The following CSMD2 variants were observed in gnomAD, a reference collection of about 807,000 sequenced individuals.
The protein encoded by CSMD2 is CUB and sushi domain-containing protein 2.
CSMD2 carries 130 observed loss-of-function variants against 398.5 expected under a neutral mutation model. The observed-to-expected ratio is 0.33, with a 90% CI of 0.28 to 0.38. The LOEUF is 0.38. CSMD2 is among the 10% of genes least tolerant of loss of function. The pLI, the probability that CSMD2 is intolerant of heterozygous loss-of-function variation, is 1.00. For missense variants in CSMD2, 3,829 were observed against 4,764.9 expected (o/e 0.80, Z 5.78); for synonymous variants, 1,828 against 1,908.5 (o/e 0.96, Z 1.10).
intron 24 of CSMD2, among the ~76,000 whole-genome samples, chr1:33,696,810 C>A (rs1334587282): frequency 1.3e-5 from 2 of 152,286 alleles, no homozygotes; most frequent in Middle Eastern, 3.4e-3. Flanking sequence ...TAAGTCTACT[C>A]TTTCTGGTCT....
intron 4 of CSMD2, among the ~76,000 whole-genome samples, chr1:33,933,418 T>C (rs546860982): frequency 1.6e-4 from 24 of 152,326 alleles, no homozygotes; most frequent in African/African-American, 5.8e-4. Flanking sequence ...CATCCAGTAA[T>C]TGGATTACAT....
At chr1:33,818,801 A>G (rs1181090194) in intron 9 of CSMD2, among the ~76,000 whole-genome samples, 1 of 152,212 alleles carries the variant, frequency 6.6e-6, no homozygotes, top group Non-Finnish European at 1.5e-5. Flanking sequence ...TTTCAGCTCC[A>G]ACTCTGCCCC....
chr1:33,959,568 T>A (rs1014449381), intron 3 of CSMD2, among the ~76,000 whole-genome samples: 2 of 151,648 alleles, frequency 1.3e-5, no homozygotes, highest in Non-Finnish European at 2.9e-5. Flanking sequence ...TCCCGGAAAA[T>A]CCTCTGTCAA....
Position 33,519,496 on chromosome 1 carries a change from TGGTGGCGGCCAGGCCG to T in CSMD2, c.*6_*21del. On this transcript the variant is annotated 3_prime_UTR_variant, in exon 70 of 71. Coordinates refer to ENST00000373381, the MANE Select transcript of CSMD2 (RefSeq NM_001281956.2). This position sits in a 1 kb window ranked among gnomAD's most constrained non-coding sequence, Gnocchi z 5.6. ...CTGGAGGCGGGGCTCTCGGTGGCGG[TGGTGGCGGCCAGGCCG>T]GGTGGCTATACTGCTGTGCACACTG... The T allele has an allele frequency of 2.7e-6, 4 of 1,506,766 alleles. No individual in the cohort carries two copies. Among genetic ancestry groups the T allele is most frequent in the Non-Finnish European group, 3.6e-6 (4 of 1,115,702 alleles). 93.3% of individuals were successfully genotyped at this position (1,506,766 alleles called of 1,614,324 possible).
intron 2 of CSMD2, among the ~76,000 whole-genome samples, chr1:34,052,424 AGGGACTTAAGCATCTGCAGATTTTTAT>A (rs1412609471): frequency 1.3e-5 from 2 of 149,340 alleles, no homozygotes; most frequent in Non-Finnish European, 3.0e-5. Context: ...ATTTTAAATA[AGGGACTTAAGCATCTGCAGATTTTTAT>A]ATCCATGGGG....
chr1:33,516,773 CA>C (rs1653803122), intron 70 of CSMD2, among the ~76,000 whole-genome samples: 1 of 152,186 alleles, frequency 6.6e-6, no homozygotes, highest in Non-Finnish European at 1.5e-5. Context: ...TGCAGCAGAA[CA>C]TGTATTTTTC....
At chr1:34,152,671 C>A (rs374672889) in intron 1 of CSMD2, among the ~76,000 whole-genome samples, 2 of 152,172 alleles carry the variant, frequency 1.3e-5, no homozygotes, top group African/African-American at 2.4e-5. Flanking sequence ...TTTCCTTGAT[C>A]CCTTGTGTCT....
intron 13 of CSMD2, among the ~76,000 whole-genome samples, chr1:33,767,054 G>A (rs1460398771): frequency 3.9e-5 from 6 of 152,214 alleles, no homozygotes; most frequent in Non-Finnish European, 8.8e-5. Context: ...ATAGGCTGAA[G>A]ATGCTCATTA....
rs1197924790 is a variant in CSMD2, at chr1:34,070,855, C to T, written c.404+18122G>A. Among the ~76,000 whole-genome samples the T allele has an allele frequency of 4.0e-5, 6 of 149,684 alleles. No homozygotes were observed. In the East Asian group the frequency reaches 8.5e-4, roughly 21 times the overall value. On this transcript the variant is annotated intron_variant, in intron 2 of 70. Coordinates refer to ENST00000373381, the MANE Select transcript of CSMD2 (RefSeq NM_001281956.2). ...CAGCTAAACTATCAGAGCCAAGATG[C>T]GTCCCCGTTCCTCTTTACTTTGTAG...
intron 2 of CSMD2, among the ~76,000 whole-genome samples, chr1:34,040,063 C>G (rs1651660598): frequency 6.6e-6 from 1 of 151,968 alleles, no homozygotes; most frequent in Non-Finnish European, 1.5e-5. Flanking sequence ...ACTCAGGGGG[C>G]TTAAGTGGTC....
At chr1:33,842,819 C>A (rs1660987910) in intron 6 of CSMD2, among the ~76,000 whole-genome samples, 1 of 152,110 alleles carries the variant, frequency 6.6e-6, no homozygotes, top group Non-Finnish European at 1.5e-5. Context: ...GATGGAGGGC[C>A]ATAGAAAGGC....
intron 1 of CSMD2, among the ~76,000 whole-genome samples, chr1:34,107,866 A>G (rs886606199): frequency 6.6e-6 from 1 of 152,208 alleles, no homozygotes; most frequent in African/African-American, 2.4e-5. Flanking sequence ...GAGCACATTG[A>G]ACTTCCCAGA....
At chr1:33,790,898 A>T (rs549874853) in intron 11 of CSMD2, among the ~76,000 whole-genome samples, 85 of 152,202 alleles carry the variant, frequency 5.6e-4, no homozygotes, top group Non-Finnish European at 1.0e-3. Context: ...GAGAACCCTC[A>T]CTAATACAGT....
chr1:33,991,910 A>G (rs1224586622), intron 3 of CSMD2, among the ~76,000 whole-genome samples: 1 of 152,198 alleles, frequency 6.6e-6, no homozygotes, highest in Non-Finnish European at 1.5e-5. Context: ...AAAAATGGGC[A>G]GGAGATATGA....
chr1:33,723,041 C>T (rs912397901), intron 19 of CSMD2, among the ~76,000 whole-genome samples: 1 of 152,166 alleles, frequency 6.6e-6, no homozygotes, highest in Admixed American at 6.5e-5. Flanking sequence ...CTTTCTCACA[C>T]GTACACAGGC....
At position 33,557,814 on chromosome 1, in the gene CSMD2, T is replaced by C. The variant is rs1326134442; in HGVS notation, c.8663A>G (p.His2888Arg). The change falls in exon 55 of 71, where the codon CAC (histidine) becomes CGC (arginine). Residue 2888 changes from histidine (H) to arginine (R), a missense_variant. His to Arg is a conservative substitution (Grantham distance 29, BLOSUM62 0). Coordinates refer to ENST00000373381, the MANE Select transcript of CSMD2 (RefSeq NM_001281956.2). ...FGTTVSYRCN[H>R]GFYLLGTPVL... is the part of the protein sequence containing the mutation. Reference sequence around the variant, plus strand: ...TGGGGTGCCCAGGAGGTAGAAGCCGTGGTTGCACCGGTAAGACACAGTGGT... The same window carrying C: ...TGGGGTGCCCAGGAGGTAGAAGCCGCGGTTGCACCGGTAAGACACAGTGGT... The C allele has an allele frequency of 8.5e-6, 13 of 1,535,948 alleles. No individual in the cohort carries two copies. The Admixed American group carries it at 1.2e-4, about 14-fold the overall frequency.
Position 33,915,917 on chromosome 1 carries a change from C to G in CSMD2, c.920+2177G>C, listed in dbSNP as rs139096365. On this transcript the variant is annotated intron_variant, in intron 5 of 70. Coordinates refer to ENST00000373381, the MANE Select transcript of CSMD2 (RefSeq NM_001281956.2). ...CTGGGGTTGAATCCCAGCTCTGCTC[C>G]TTACTCGCCGGTGTGATCTCAAGCA... 5.3e-5 allele frequency among the ~76,000 whole-genome samples: 8 copies of G among 152,310 alleles called. No homozygotes were observed. The East Asian group carries it at 1.3e-3, about 26-fold the overall frequency.
At chr1:33,832,959 C>T (rs369265950) in intron 6 of CSMD2, among the ~76,000 whole-genome samples, 26 of 151,946 alleles carry the variant, frequency 1.7e-4, no homozygotes, top group Non-Finnish European at 2.2e-4. Context: ...AGGAAGAAGT[C>T]GAATCTCTGA....
rs182740641 is a variant in CSMD2, at chr1:33,793,735, C to T, written c.1447-1209G>A. On this transcript the variant is annotated intron_variant, in intron 10 of 70. Transcript: ENST00000373381. ...AGGCTTTTTTGGTAGTGCAGGTGAACGATGGAAGAGTAGCAGTGTGGACGG... is the reference window on the plus strand; with the variant it reads ...AGGCTTTTTTGGTAGTGCAGGTGAATGATGGAAGAGTAGCAGTGTGGACGG... 3.3e-3 allele frequency among the ~76,000 whole-genome samples: 504 copies of T among 151,546 alleles called. 1 individual carries two copies. Among genetic ancestry groups the T allele is most frequent in the African/African-American group, 0.012 (483 of 41,232 alleles).
Sources: gnomAD v4.1 joint callset for allele counts (sites outside exome capture counted in the v4.1 genomes callset) on GRCh38, gnomAD v4.1.1 for gene constraint, Gnocchi (gnomAD v3.1) non-coding constraint, MANE v1.5 for transcripts, NCBI Gene and HGNC (gene_info 2026-07-23, HGNC 2026-07-21) for gene names.